Variants in UTRN observed in about 807,000 individuals in gnomAD.
UTRN encodes dystrophin-related protein 1.
Under a neutral mutation model 463.9 loss-of-function variants are expected in UTRN, and 283 were observed. The observed-to-expected ratio is 0.61, with a 90% CI of 0.55 to 0.67. UTRN has a LOEUF of 0.67. UTRN is among the 30% of genes least tolerant of loss of function. The pLI, the probability that UTRN is intolerant of heterozygous loss-of-function variation, is 0.00. For synonymous variants in UTRN, 1,442 were observed against 1,431.5 expected, an observed-to-expected ratio of 1.01 and a Z score of -0.17; for missense variants, 3,922 against 4,084.3, an observed-to-expected ratio of 0.96 and a Z score of 1.08.
intron 51 of UTRN, among the ~76,000 whole-genome samples, chr6:144,602,125 A>C (rs977794817): frequency 1.3e-5 from 2 of 149,392 alleles, no homozygotes; most frequent in Non-Finnish European, 3.0e-5. Flanking sequence ...TTCCTACAGC[A>C]TTTTTTTTTT....
chr6:144,547,447 G>A (rs1798516825), intron 46 of UTRN, among the ~76,000 whole-genome samples: 1 of 152,092 alleles, frequency 6.6e-6, no homozygotes, highest in Admixed American at 6.5e-5. Context: ...AGTAATAAAA[G>A]TATTCCTTAT....
intron 51 of UTRN, among the ~76,000 whole-genome samples, chr6:144,586,526 GA>G (rs1216596672): frequency 2.0e-5 from 3 of 152,030 alleles, no homozygotes; most frequent in Non-Finnish European, 2.9e-5. Context: ...GAGCACAGTA[GA>G]AAAAAAGCTG....
intron 2 of UTRN, chr6:144,344,110 A>AAC: frequency 1.4e-5 from 16 of 1,128,318 alleles, no homozygotes; most frequent in Middle Eastern, 4.1e-4. Flanking sequence ...AAAAAAAAAA[A>AAC]CCCAAAATAA....
intron 2 of UTRN, among the ~76,000 whole-genome samples, chr6:144,337,236 A>G (rs1776807865): frequency 1.3e-5 from 2 of 150,964 alleles, no homozygotes; most frequent in South Asian, 2.1e-4. Context: ...GAGGAGGGCC[A>G]CCCTGGGAGG....
chr6:144,638,016 A>C (rs922895748), intron 51 of UTRN, among the ~76,000 whole-genome samples: 1 of 152,244 alleles, frequency 6.6e-6, no homozygotes, highest in African/African-American at 2.4e-5. Context: ...ATTGTTAGAC[A>C]CTACGCTGTA....
chr6:144,477,872 TATC>T (rs758110148), intron 25 of UTRN, among the ~76,000 whole-genome samples: 174 of 120,424 alleles, frequency 1.4e-3, no homozygotes, highest in East Asian at 4.5e-3. Flanking sequence ...TTTGTATCTC[TATC>T]TATCTATCTA....
chr6:144,777,553 T>C (rs970297978), intron 60 of UTRN, among the ~76,000 whole-genome samples: 3 of 152,208 alleles, frequency 2.0e-5, no homozygotes, highest in Middle Eastern at 3.2e-3. Context: ...TTTTCAGCTG[T>C]GTGATGGACT....
chr6:144,345,624 G>A (rs549215369), intron 2 of UTRN, among the ~76,000 whole-genome samples: 35 of 152,258 alleles, frequency 2.3e-4, no homozygotes, highest in African/African-American at 8.2e-4. Flanking sequence ...AGTGAGCCAC[G>A]ATCATGCCGC....
intron 52 of UTRN, among the ~76,000 whole-genome samples, chr6:144,680,893 G>T (rs1782129006): frequency 6.6e-6 from 1 of 152,182 alleles, no homozygotes; most frequent in African/African-American, 2.4e-5. Flanking sequence ...ATGGGGAAAA[G>T]ACTATGGCTA....
chr6:144,436,761 ATATT>A (rs1388057891), intron 10 of UTRN, among the ~76,000 whole-genome samples: 4 of 144,890 alleles, frequency 2.8e-5, no homozygotes, highest in African/African-American at 5.0e-5. Flanking sequence ...TTTTATATAT[ATATT>A]TATATATATA....
chr6:144,363,388 G>C (rs904649000), intron 2 of UTRN, among the ~76,000 whole-genome samples: 3 of 152,180 alleles, frequency 2.0e-5, no homozygotes, highest in Non-Finnish European at 4.4e-5. Context: ...TTCCAGAACT[G>C]GTGAGGTGTA....
At chr6:144,835,586 G>A (rs1404253050) in intron 69 of UTRN, among the ~76,000 whole-genome samples, 194 bp from the exon 70 acceptor site, 2 of 152,164 alleles carry the variant, frequency 1.3e-5, no homozygotes, top group Non-Finnish European at 2.9e-5. Context: ...CTGAAATGTT[G>A]ACTCATGTAA....
At chr6:144,747,117 T>C (rs1347206261) in intron 54 of UTRN, among the ~76,000 whole-genome samples, 1 of 152,244 alleles carries the variant, frequency 6.6e-6, no homozygotes, top group African/African-American at 2.4e-5. Flanking sequence ...AAGTTCATCT[T>C]ATGATGATCA....
chr6:144,732,257 T>TATAC (rs1562832796), intron 54 of UTRN, among the ~76,000 whole-genome samples: 1 of 85,502 alleles, frequency 1.2e-5, no homozygotes, highest in African/African-American at 5.1e-5. Context: ...TATATATATA[T>TATAC]ACACACATAT....
intron 51 of UTRN, among the ~76,000 whole-genome samples, chr6:144,601,633 T>C (rs1804261680): frequency 1.3e-5 from 2 of 152,222 alleles, no homozygotes; most frequent in Non-Finnish European, 2.9e-5. Context: ...GTGAAGATGC[T>C]ATGAACATTA....
At chr6:144,723,560 A>G (rs1405233308) in intron 53 of UTRN, among the ~76,000 whole-genome samples, 3 of 152,200 alleles carry the variant, frequency 2.0e-5, no homozygotes, top group Admixed American at 1.3e-4. Flanking sequence ...GTCAAAATAT[A>G]TGCACATTAA....
At chr6:144,463,353 G>T (rs1446677429) in intron 23 of UTRN, among the ~76,000 whole-genome samples, 1 of 152,200 alleles carries the variant, frequency 6.6e-6, no homozygotes, top group Non-Finnish European at 1.5e-5. Context: ...TCAGAAACAG[G>T]ATCCTTCACT....
chr6:144,420,948 C>T (rs563554831), intron 3 of UTRN, among the ~76,000 whole-genome samples: 1 of 152,242 alleles, frequency 6.6e-6, no homozygotes, highest in African/African-American at 2.4e-5. Flanking sequence ...ATTATTTTGT[C>T]GTTTATTGTT....
At chr6:144,811,359 G>A (rs1251615618) in intron 65 of UTRN, among the ~76,000 whole-genome samples, 1 of 152,118 alleles carries the variant, frequency 6.6e-6, no homozygotes, top group Non-Finnish European at 1.5e-5. Context: ...GATGTGATGT[G>A]GGGTGTTTGC....
Sources: allele counts gnomAD v4.1 joint callset (sites outside exome capture counted in the v4.1 genomes callset), GRCh38; gene constraint gnomAD v4.1.1; transcripts MANE v1.5; gene names NCBI Gene and HGNC (gene_info 2026-07-23, HGNC 2026-07-21).